Variants in SCFD2 observed in about 807,000 individuals in gnomAD.
SCFD2 encodes sec1 family domain-containing protein 2.
In SCFD2, 54 loss-of-function variants were observed where a neutral mutation model predicts 58.9. The observed-to-expected ratio is 0.92, with a 90% CI of 0.74 to 1.15. The LOEUF (loss-of-function observed/expected upper bound fraction) is 1.15, where lower values mean the gene tolerates loss of function less well. Ranked by LOEUF, SCFD2 falls within the 50% of genes most tolerant of loss-of-function variation. SCFD2 has a pLI of 0.00. For missense variants in SCFD2, 805 were observed against 836.6 expected, an observed-to-expected ratio of 0.96 and a Z score of 0.47; for synonymous variants, 321 against 335.9, an observed-to-expected ratio of 0.96 and a Z score of 0.49.
intron 5 of SCFD2, among the ~76,000 whole-genome samples, chr4:53,034,053 G>A (rs1412907896): frequency 2.6e-5 from 4 of 152,006 alleles, no homozygotes; most frequent in East Asian, 1.9e-4. Context: ...ACATCGATGC[G>A]AAAATCCTCA....
chr4:52,889,315 T>G (rs942584525), intron 7 of SCFD2, among the ~76,000 whole-genome samples: 5 of 152,228 alleles, frequency 3.3e-5, no homozygotes, highest in Non-Finnish European at 7.3e-5. Flanking sequence ...TCTCAAAATA[T>G]CCTTAGAAAG....
intron 3 of SCFD2, among the ~76,000 whole-genome samples, chr4:53,298,866 A>C (rs1342619834): frequency 6.6e-6 from 1 of 152,224 alleles, no homozygotes. Flanking sequence ...AAACTCCCAC[A>C]GACCTGCAGC....
chr4:53,015,740 A>G (rs1042930974), intron 5 of SCFD2, among the ~76,000 whole-genome samples: 3 of 152,128 alleles, frequency 2.0e-5, no homozygotes, highest in African/African-American at 7.2e-5. Context: ...AAACTGATTA[A>G]GTTTGGGGAG....
In SCFD2 at chr4:53,185,531, G is replaced by A. The variant is rs190788668; in HGVS notation, c.1312-39949C>T. Reference sequence around the variant, plus strand: ...TCTCTCATGTTGACTGTTGTTCCCTGGCAGGGTCCTACCAGCAACCAAGAG... The same window carrying A: ...TCTCTCATGTTGACTGTTGTTCCCTAGCAGGGTCCTACCAGCAACCAAGAG... On this transcript the variant is annotated intron_variant, in intron 4 of 8. Coordinates refer to ENST00000401642, the MANE Select transcript of SCFD2 (RefSeq NM_152540.4). Among the ~76,000 whole-genome samples the A allele has an allele frequency of 3.9e-5, 6 of 152,038 alleles. No individual in the cohort carries two copies. In the East Asian group the frequency reaches 1.2e-3, roughly 29 times the overall value.
intron 5 of SCFD2, among the ~76,000 whole-genome samples, chr4:53,070,153 C>T (rs1402508192): frequency 6.6e-6 from 1 of 151,878 alleles, no homozygotes; most frequent in Non-Finnish European, 1.5e-5. Context: ...AAACTATGCA[C>T]AATAAAAACA....
At chr4:53,317,903 G>A (rs1732913346) in intron 2 of SCFD2, among the ~76,000 whole-genome samples, 1 of 152,188 alleles carries the variant, frequency 6.6e-6, no homozygotes. Context: ...TGACACACAA[G>A]TGCTACAGCA....
At chr4:53,256,351 A>T (rs562375086) in intron 4 of SCFD2, among the ~76,000 whole-genome samples, 3 of 149,596 alleles carry the variant, frequency 2.0e-5, no homozygotes, top group Admixed American at 2.0e-4. Context: ...GACGCTCCTC[A>T]CTTCCTAGAT....
chr4:53,250,408 C>A (rs912557877), intron 4 of SCFD2, among the ~76,000 whole-genome samples: 2 of 152,132 alleles, frequency 1.3e-5, no homozygotes, highest in Non-Finnish European at 2.9e-5. Context: ...AGAAAGTTAA[C>A]AAGGATACCC....
intron 2 of SCFD2, among the ~76,000 whole-genome samples, chr4:53,342,910 T>C (rs1350393543): frequency 2.0e-5 from 3 of 152,142 alleles, no homozygotes; most frequent in Admixed American, 6.5e-5. Context: ...TTGAAACCAA[T>C]GAGAACAGAG....
At chr4:53,298,841 G>C (rs1207420838) in intron 3 of SCFD2, among the ~76,000 whole-genome samples, 1 of 152,156 alleles carries the variant, frequency 6.6e-6, no homozygotes, top group Non-Finnish European at 1.5e-5. Flanking sequence ...AAAGGGTCTG[G>C]AGTGGACCTC....
At chr4:53,085,453 T>C (rs1724276638) in intron 5 of SCFD2, among the ~76,000 whole-genome samples, 1 of 152,148 alleles carries the variant, frequency 6.6e-6, no homozygotes, top group Non-Finnish European at 1.5e-5. Flanking sequence ...AGTATGTCCA[T>C]ACTACCAAAA....
intron 5 of SCFD2, among the ~76,000 whole-genome samples, chr4:52,974,941 T>G (rs1214871873): frequency 6.6e-6 from 1 of 152,174 alleles, no homozygotes; most frequent in African/African-American, 2.4e-5. Context: ...ATTTAATAAA[T>G]GGTGCTGGGA....
chr4:52,880,905 C>A (rs1340199034), intron 8 of SCFD2, among the ~76,000 whole-genome samples: 1 of 152,232 alleles, frequency 6.6e-6, no homozygotes, highest in Non-Finnish European at 1.5e-5. Flanking sequence ...GCCATGGAGT[C>A]CCACAGTAGG....
intron 4 of SCFD2, among the ~76,000 whole-genome samples, chr4:53,191,715 T>G (rs1246127950): frequency 6.6e-6 from 1 of 152,134 alleles, no homozygotes; most frequent in Non-Finnish European, 1.5e-5. Context: ...GGTTATATGT[T>G]CTCTTACAGA....
chr4:53,294,942 T>C (rs750710770), intron 3 of SCFD2, among the ~76,000 whole-genome samples: 1 of 152,184 alleles, frequency 6.6e-6, no homozygotes, highest in Non-Finnish European at 1.5e-5. Flanking sequence ...AAAGATCAGA[T>C]GGTTGCAGAT....
chr4:53,050,114 C>T (rs528538211), intron 5 of SCFD2, among the ~76,000 whole-genome samples: 1 of 152,284 alleles, frequency 6.6e-6, no homozygotes, highest in East Asian at 1.9e-4. Flanking sequence ...TAAGGAATTT[C>T]TTTCTCTAAA....
intron 5 of SCFD2, chr4:52,956,489 C>A: frequency 3.1e-6 from 1 of 324,324 alleles, no homozygotes; most frequent in Non-Finnish European, 6.1e-6. Context: ...GGACTTGGAA[C>A]CCACCAGGCC....
At chr4:53,250,111 C>A (rs1229229918) in intron 4 of SCFD2, among the ~76,000 whole-genome samples, 1 of 152,010 alleles carries the variant, frequency 6.6e-6, no homozygotes, top group Non-Finnish European at 1.5e-5. Context: ...GGAAGATCTA[C>A]CAAGCAAATG....
At chr4:53,268,202 G>A (rs1197147505) in intron 4 of SCFD2, among the ~76,000 whole-genome samples, 1 of 152,080 alleles carries the variant, frequency 6.6e-6, no homozygotes, top group Non-Finnish European at 1.5e-5. Flanking sequence ...GAGGGCATTT[G>A]TGCATGGGGG....
Sources: gnomAD v4.1 joint callset for allele counts (sites outside exome capture counted in the v4.1 genomes callset) on GRCh38, gnomAD v4.1.1 for gene constraint, MANE v1.5 for transcripts, NCBI Gene and HGNC (gene_info 2026-07-23, HGNC 2026-07-21) for gene names.